Variants in ADAMTSL1 observed in about 807,000 individuals in gnomAD.
The protein encoded by ADAMTSL1 is ADAMTS like 1, also known as ADAMTS-like protein 1.
A neutral mutation model predicts 201.8 loss-of-function variants in ADAMTSL1; 126 were observed. The ratio of observed to expected loss-of-function variants is 0.62; its 90% CI spans 0.54 to 0.72. The LOEUF (loss-of-function observed/expected upper bound fraction) is 0.72, where lower values mean the gene tolerates loss of function less well. ADAMTSL1 is among the 30% of genes least tolerant of loss of function. The pLI is 0.00. For missense variants in ADAMTSL1, 2,679 were observed against 2,277.8 expected (o/e 1.18, Z -3.59); for synonymous variants, 1,121 against 903.4 (o/e 1.24, Z -4.32).
At chr9:18,785,175 A>AT (rs397719576) in intron 19 of ADAMTSL1, among the ~76,000 whole-genome samples, 1 of 151,478 alleles carries the variant, frequency 6.6e-6, no homozygotes, top group Admixed American at 6.6e-5. Flanking sequence ...AAAAAAAAAA[A>AT]CTTAATGGAG....
chr9:18,647,584 G>A (rs1278779669), intron 7 of ADAMTSL1, among the ~76,000 whole-genome samples: 1 of 151,880 alleles, frequency 6.6e-6, no homozygotes, highest in South Asian at 2.1e-4. Flanking sequence ...CTGGTATGTT[G>A]TGTCTTTGTT....
chr9:18,115,942 C>T (rs1270594226), intron 1 of ADAMTSL1, among the ~76,000 whole-genome samples: 1 of 152,136 alleles, frequency 6.6e-6, no homozygotes, highest in East Asian at 1.9e-4. Flanking sequence ...CTCAGAATGA[C>T]TTTGTCATGT....
At chr9:18,899,348 G>T (rs1306099597) in intron 26 of ADAMTSL1, among the ~76,000 whole-genome samples, 8 of 152,140 alleles carry the variant, frequency 5.3e-5, no homozygotes, top group African/African-American at 1.9e-4. Flanking sequence ...GGAAAAATCA[G>T]TATCATGAAA....
At chr9:18,183,564 A>G (rs1200809604) in intron 2 of ADAMTSL1, among the ~76,000 whole-genome samples, 1 of 152,206 alleles carries the variant, frequency 6.6e-6, no homozygotes, top group Non-Finnish European at 1.5e-5. Flanking sequence ...AAAGACCTTA[A>G]CAGATACCTC....
chr9:18,608,108 CT>C (rs1825146776), intron 4 of ADAMTSL1, among the ~76,000 whole-genome samples: 1 of 152,246 alleles, frequency 6.6e-6, no homozygotes, highest in South Asian at 2.1e-4. Flanking sequence ...AATGCCTTTT[CT>C]TCTTTTCCCA....
intron 1 of ADAMTSL1, among the ~76,000 whole-genome samples, chr9:18,124,535 C>G (rs922605225): frequency 6.6e-6 from 1 of 152,078 alleles, no homozygotes; most frequent in Non-Finnish European, 1.5e-5. Context: ...TGTGGGCTCT[C>G]TTTTTACTTT....
chr9:18,338,600 C>T (rs986051428), intron 2 of ADAMTSL1, among the ~76,000 whole-genome samples: 3 of 152,050 alleles, frequency 2.0e-5, no homozygotes, highest in Admixed American at 1.3e-4. Flanking sequence ...GGGTATGCCA[C>T]CTTGCCCAGC....
intron 2 of ADAMTSL1, among the ~76,000 whole-genome samples, chr9:18,214,957 A>G (rs1830009545): frequency 1.3e-5 from 2 of 152,148 alleles, no homozygotes; most frequent in African/African-American, 2.4e-5. Flanking sequence ...AGAAGATTTT[A>G]ACAAATTGAG....
At chr9:18,682,893 A>G (rs1215713408) in intron 12 of ADAMTSL1, among the ~76,000 whole-genome samples, 1 of 152,208 alleles carries the variant, frequency 6.6e-6, no homozygotes, top group African/African-American at 2.4e-5. Flanking sequence ...ATCTCTCTCG[A>G]AGCCTTGGTT....
intron 1 of ADAMTSL1, among the ~76,000 whole-genome samples, chr9:18,125,542 G>A (rs1161080973): frequency 6.6e-6 from 1 of 152,086 alleles, no homozygotes; most frequent in Non-Finnish European, 1.5e-5. Context: ...TTTCTTCTAA[G>A]AGTTTTATAA....
chr9:18,149,138 T>A (rs996785718), intron 1 of ADAMTSL1, among the ~76,000 whole-genome samples: 7 of 152,080 alleles, frequency 4.6e-5, no homozygotes, highest in African/African-American at 1.7e-4. Context: ...GATACTCTGC[T>A]AGGGCTAGAA....
At chr9:18,828,116 G>T (rs1269012119) in intron 22 of ADAMTSL1, among the ~76,000 whole-genome samples, 1 of 152,234 alleles carries the variant, frequency 6.6e-6, no homozygotes, top group East Asian at 1.9e-4. Flanking sequence ...CCATTGGACA[G>T]ATATTCATTA....
chr9:18,858,707 G>A (rs913350713), intron 23 of ADAMTSL1, among the ~76,000 whole-genome samples: 8 of 152,264 alleles, frequency 5.3e-5, no homozygotes, highest in East Asian at 1.9e-4. Flanking sequence ...ACTTGCTTAC[G>A]TCAAATCTTA....
chr9:18,408,480 C>G (rs1818296906), intron 2 of ADAMTSL1, among the ~76,000 whole-genome samples: 1 of 151,740 alleles, frequency 6.6e-6, no homozygotes, highest in African/African-American at 2.4e-5. Context: ...GCACCCCCCA[C>G]CCACAGAAAA....
chr9:17,984,968 A>G (rs531212766), intron 1 of ADAMTSL1, among the ~76,000 whole-genome samples: 272 of 152,236 alleles, frequency 1.8e-3, no homozygotes, highest in African/African-American at 6.2e-3. Context: ...GCCTTAAACC[A>G]TTGTGTTTGA....
At chr9:18,732,367 G>A (rs1487246332) in intron 15 of ADAMTSL1, among the ~76,000 whole-genome samples, 1 of 152,132 alleles carries the variant, frequency 6.6e-6, no homozygotes, top group Non-Finnish European at 1.5e-5. Flanking sequence ...TCATCATGGG[G>A]TCCTGAAAAA....
Position 18,249,599 on chromosome 9 carries a change from G to C in ADAMTSL1, c.207+85618G>C, listed in dbSNP as rs142574430. 4.8e-3 allele frequency among the ~76,000 whole-genome samples: 726 copies of C among 152,204 alleles called. 6 individuals are homozygous for C. Among genetic ancestry groups the C allele is most frequent in the African/African-American group, 0.016 (662 of 41,528 alleles). On this transcript the variant is annotated intron_variant, in intron 2 of 29. Coordinates refer to the ADAMTSL1 transcript ENST00000680146. ...AAAAATTAGGCTACTTCAGCCTACTGTTATTGTTTCATGCTTAATTAGAAG... is the reference window on the plus strand; with the variant it reads ...AAAAATTAGGCTACTTCAGCCTACTCTTATTGTTTCATGCTTAATTAGAAG...
At chr9:18,888,955 G>A (rs1226589179) in intron 24 of ADAMTSL1, among the ~76,000 whole-genome samples, 1 of 152,164 alleles carries the variant, frequency 6.6e-6, no homozygotes, top group Non-Finnish European at 1.5e-5. Flanking sequence ...GGGCCTATTT[G>A]CAAGACTTGT....
intron 2 of ADAMTSL1, among the ~76,000 whole-genome samples, chr9:18,186,967 A>G (rs1828765689): frequency 6.6e-6 from 1 of 152,066 alleles, no homozygotes; most frequent in Admixed American, 6.6e-5. Context: ...CAGACTCAAG[A>G]CTTTCAACTC....
Sources: gnomAD v4.1 joint callset for allele counts (sites outside exome capture counted in the v4.1 genomes callset) on GRCh38, gnomAD v4.1.1 for gene constraint, MANE v1.5 for transcripts, NCBI Gene and HGNC (gene_info 2026-07-23, HGNC 2026-07-21) for gene names.